The following ABCG1 variants were observed in gnomAD, a reference collection of about 807,000 sequenced individuals.
The protein encoded by ABCG1 is ATP-binding cassette sub-family G member 1.
Under a neutral mutation model 69.2 loss-of-function variants are expected in ABCG1, and 29 were observed. That is an observed-to-expected ratio of 0.42 (90% CI 0.31 to 0.57). The LOEUF (loss-of-function observed/expected upper bound fraction) is 0.57, where lower values mean the gene tolerates loss of function less well. ABCG1 is among the 20% of genes least tolerant of loss of function. The pLI is 0.15. For synonymous variants in ABCG1, 370 were observed against 374.8 expected (o/e 0.99, Z 0.15); for missense variants, 718 against 898.1 (o/e 0.80, Z 2.56).
chr21:42,241,527 C>A (rs1185634396), intron 2 of ABCG1, among the ~76,000 whole-genome samples: 1 of 151,818 alleles, frequency 6.6e-6, no homozygotes, highest in Non-Finnish European at 1.5e-5. Flanking sequence ...ATCACTTGAA[C>A]CCGAGAGGCA....
intron 2 of ABCG1, among the ~76,000 whole-genome samples, chr21:42,243,110 T>C (rs1323725521): frequency 6.6e-6 from 1 of 152,158 alleles, no homozygotes; most frequent in Admixed American, 6.5e-5. Context: ...TGCTCTCCCA[T>C]GGTCAGGCAG....
chr21:42,238,946 G>T (rs559245327), intron 2 of ABCG1, among the ~76,000 whole-genome samples: 6 of 152,308 alleles, frequency 3.9e-5, no homozygotes, highest in African/African-American at 1.4e-4. Flanking sequence ...TAATGTTGTA[G>T]CTTTATAGAA....
At chr21:42,292,980 C>CT (rs2069102115) in intron 13 of ABCG1, among the ~76,000 whole-genome samples, 1 of 146,186 alleles carries the variant, frequency 6.8e-6, no homozygotes, top group Non-Finnish European at 1.5e-5. Flanking sequence ...ACACACTACA[C>CT]ACACACCACA....
intron 1 of ABCG1, among the ~76,000 whole-genome samples, chr21:42,223,198 C>T (rs1458206845): frequency 3.9e-5 from 6 of 152,208 alleles, no homozygotes; most frequent in Admixed American, 6.5e-5. Flanking sequence ...GGTCTCTGAA[C>T]GCTTCACTGT....
chr21:42,211,358 G>C (rs931321550), upstream of ABCG1, among the ~76,000 whole-genome samples: 15 of 152,034 alleles, frequency 9.9e-5, no homozygotes, highest in Admixed American at 2.0e-4. Flanking sequence ...CATGGTCTCT[G>C]TGTCTGACCC....
Position 42,291,426 on chromosome 21 carries a change from C to T in ABCG1, c.1495-72C>T, listed in dbSNP as rs1411256085. On this transcript the variant is annotated intron_variant, in intron 12 of 14. Coordinates refer to ENST00000398449, the MANE Select transcript of ABCG1 (RefSeq NM_016818.3). This position sits in a 1 kb window ranked among gnomAD's most constrained non-coding sequence, Gnocchi z 6.4. ...GGAGCTGCGGGGAAGGGCTGGCTGC[C>T]CAGGAGCTTTGCTGTTGGCCTGCTG... is the stretch of plus-strand genomic sequence containing the variant. 2 of 1,556,688 alleles carry T rather than the reference C, an allele frequency of 1.3e-6. No individual in the cohort carries two copies. The highest frequency in any genetic ancestry group is 4.5e-5 in the East Asian group (2 of 44,158).
chr21:42,278,260 T>G (rs1392675801), intron 5 of ABCG1, among the ~76,000 whole-genome samples: 1 of 152,108 alleles, frequency 6.6e-6, no homozygotes, highest in Non-Finnish European at 1.5e-5. Flanking sequence ...CTCTGGATAG[T>G]GTTTTCTAAA....
chr21:42,237,939 C>T (rs137959822), intron 2 of ABCG1, among the ~76,000 whole-genome samples: 10 of 152,292 alleles, frequency 6.6e-5, no homozygotes, highest in Admixed American at 1.3e-4. Context: ...GACCCTGGGC[C>T]TCAGTTTTTG....
intron 1 of ABCG1, among the ~76,000 whole-genome samples, chr21:42,225,334 G>A (rs1283440199): frequency 2.0e-5 from 3 of 152,220 alleles, no homozygotes; most frequent in Non-Finnish European, 4.4e-5. Context: ...TGAGGGGACT[G>A]TAAATAGATC....
At chr21:42,290,297 C>T in intron 11 of ABCG1, 79 bp downstream of exon 11, 2 of 1,469,980 alleles carry the variant, frequency 1.4e-6, no homozygotes, top group East Asian at 2.3e-5. Flanking sequence ...CACGCCTTGA[C>T]CAACAGATGA....
rs2068660707 is a variant in ABCG1 at position 42,273,776 on chromosome 21, C to A, written c.537+341C>A. On this transcript the variant is annotated intron_variant, in intron 4 of 14. Transcript: ENST00000398449. This position sits in a 1 kb window ranked among gnomAD's most constrained non-coding sequence, Gnocchi z 5.3. Reference sequence around the variant, plus strand: ...CTCCTGCAGGCCAGTGCTTGGGATTCTCCTTCCTGTCAGCTATCCTTGAGT... The same window carrying A: ...CTCCTGCAGGCCAGTGCTTGGGATTATCCTTCCTGTCAGCTATCCTTGAGT... Among the ~76,000 whole-genome samples, 1 of 152,196 alleles carries A rather than the reference C, an allele frequency of 6.6e-6. No homozygotes were observed. Among genetic ancestry groups the A allele is most frequent in the Non-Finnish European group, 1.5e-5 (1 of 68,038 alleles).
chr21:42,259,394 C>G, intron 2 of ABCG1: 3 of 1,550,344 alleles, frequency 1.9e-6, no homozygotes, highest in Non-Finnish European at 2.6e-6. Context: ...ACTGCGTGTC[C>G]TGCAAAATCG....
At chr21:42,241,629 AAC>A (rs1217670936) in intron 2 of ABCG1, among the ~76,000 whole-genome samples, 13 of 151,382 alleles carry the variant, frequency 8.6e-5, no homozygotes, top group East Asian at 1.9e-4. Context: ...ACAAAAAAAA[AAC>A]AAAACCCAAA....
At chr21:42,268,761 G>C (rs535121471) in intron 2 of ABCG1, among the ~76,000 whole-genome samples, 1 of 152,290 alleles carries the variant, frequency 6.6e-6, no homozygotes, top group East Asian at 1.9e-4. Context: ...CCAGTTTGCT[G>C]GTTCTCAATA....
chr21:42,219,235 C>T lies in ABCG1; in HGVS notation c.-28C>T. The T allele has an allele frequency of 6.6e-7, 1 of 1,515,410 alleles. No individual in the cohort carries two copies. Among genetic ancestry groups the T allele is most frequent in the Non-Finnish European group, 8.8e-7 (1 of 1,137,306 alleles). The allele number at this position is 1,515,410 out of a possible 1,614,324, so 93.9% of individuals were successfully genotyped here. On this transcript the variant is annotated 5_prime_UTR_variant, in exon 1 of 15. Coordinates refer to ENST00000398449, the MANE Select transcript of ABCG1 (RefSeq NM_016818.3). This position sits in a 1 kb window ranked among gnomAD's most constrained non-coding sequence, Gnocchi z 5.3. ...TCAAGCCTCGTCCCCGCCGCCGCCG[C>T]CGCCGCCGCCGCCGCCGCCCCCGGG... is the stretch of plus-strand genomic sequence containing the variant.
intron 2 of ABCG1, among the ~76,000 whole-genome samples, chr21:42,234,928 G>A (rs972156529): frequency 2.6e-4 from 40 of 151,972 alleles, no homozygotes; most frequent in Non-Finnish European, 4.3e-4. Context: ...CTCCGCGGCG[G>A]AGCGGCGGCG....
chr21:42,283,775 TACCCCCCAACCCAGATGAGTGGGGA>T, intron 6 of ABCG1, among the ~76,000 whole-genome samples: 1 of 38,892 alleles, frequency 2.6e-5, no homozygotes, highest in South Asian at 8.9e-4. Context: ...AGTTGTGAAG[TACCCCCCAACCCAGATGAGTGGGGA>T]CCCCCCCACC....
At chr21:42,284,526 C>T (rs889676486) in intron 6 of ABCG1, 34 bp from the exon 7 acceptor site, 3 of 1,608,052 alleles carry the variant, frequency 1.9e-6, no homozygotes, top group Non-Finnish European at 2.5e-6. Flanking sequence ...TTCCTGCCGC[C>T]CGCAGGCGTC....
chr21:42,256,295 A>T lies in ABCG1; in HGVS notation c.287-14775A>T, dbSNP rs1405275911. 2.6e-6 allele frequency: 4 copies of T among 1,526,792 alleles called. No individual in the cohort carries two copies. In the East Asian group the frequency reaches 9.9e-5, roughly 38 times the overall value. The allele number at this position is 1,526,792 out of a possible 1,614,324, so 94.6% of individuals were successfully genotyped here. ...CCCTCCCGCCAGGAGGTGGTCTTCC[A>T]ACTTTTGCCCGGAGTCTACAGAGGG... On this transcript the variant is annotated intron_variant, in intron 2 of 14. Coordinates refer to ENST00000398449, the MANE Select transcript of ABCG1 (RefSeq NM_016818.3).
Sources: gnomAD v4.1 joint callset for allele counts (sites outside exome capture counted in the v4.1 genomes callset) on GRCh38, gnomAD v4.1.1 for gene constraint, Gnocchi (gnomAD v3.1) non-coding constraint, MANE v1.5 for transcripts, NCBI Gene and HGNC (gene_info 2026-07-23, HGNC 2026-07-21) for gene names.